The following CDH13 variants were observed in gnomAD, a reference collection of about 807,000 sequenced individuals.
CDH13 encodes cadherin-13.
CDH13 carries 24 observed loss-of-function variants against 63.8 expected under a neutral mutation model. The ratio of observed to expected loss-of-function variants is 0.38; its 90% confidence interval spans 0.27 to 0.53. The LOEUF (loss-of-function observed/expected upper bound fraction) is 0.53, where lower values mean the gene tolerates loss of function less well. CDH13 is among the 20% of genes least tolerant of loss of function. CDH13 has a pLI of 0.85. For synonymous variants in CDH13, 503 were observed against 355.3 expected, an observed-to-expected ratio of 1.42 and a Z score of -4.67; for missense variants, 1,049 against 903.1, an observed-to-expected ratio of 1.16 and a Z score of -2.07.
At chr16:83,272,130 T>C (rs139436953) in intron 5 of CDH13, among the ~76,000 whole-genome samples, 63 of 152,322 alleles carry the variant, frequency 4.1e-4, no homozygotes, top group African/African-American at 1.5e-3. Flanking sequence ...GGAGTACCTC[T>C]CTCAGTCCTC....
intron 6 of CDH13, among the ~76,000 whole-genome samples, chr16:83,365,233 G>T (rs895866268): frequency 1.3e-5 from 2 of 152,204 alleles, no homozygotes; most frequent in African/African-American, 4.8e-5. Context: ...ACGCCAGCAG[G>T]AAGGGCCAAT....
intron 1 of CDH13, among the ~76,000 whole-genome samples, chr16:82,731,845 C>G (rs2033419622): frequency 6.6e-6 from 1 of 152,172 alleles, no homozygotes. Flanking sequence ...TGTGCCTGGA[C>G]ATGCCTATAT....
intron 6 of CDH13, among the ~76,000 whole-genome samples, chr16:83,479,358 A>T (rs2073699458): frequency 6.6e-6 from 1 of 152,190 alleles, no homozygotes; most frequent in South Asian, 2.1e-4. Flanking sequence ...TGTGAGAGTC[A>T]ATGAAAATAA....
chr16:82,883,118 C>G (rs2040763030), intron 2 of CDH13, among the ~76,000 whole-genome samples: 2 of 152,052 alleles, frequency 1.3e-5, no homozygotes, highest in African/African-American at 4.8e-5. Flanking sequence ...GGGTTTCACA[C>G]CATTAAATTC....
At chr16:83,531,041 G>T (rs967532999) in intron 7 of CDH13, among the ~76,000 whole-genome samples, 6 of 152,090 alleles carry the variant, frequency 3.9e-5, no homozygotes, top group African/African-American at 1.4e-4. Flanking sequence ...GGATAGTTAC[G>T]AGCATTAAAT....
Position 83,018,625 on chromosome 16 carries a change from TA to T in CDH13, c.158-13383del, listed in dbSNP as rs1253998064. On this transcript the variant is annotated intron_variant, in intron 2 of 13. Coordinates refer to ENST00000567109, the MANE Select transcript of CDH13 (RefSeq NM_001257.5). ...CCCTCCAGTATGGTCATGCATTGTT[TA>T]ACCATAGGGATATGCTCTGAGAATG... 2.6e-5 allele frequency among the ~76,000 whole-genome samples: 4 copies of T among 152,188 alleles called. No individual in the cohort carries two copies. In the South Asian group the frequency reaches 8.3e-4, roughly 32 times the overall value.
At chr16:82,970,231 A>G (rs1567705817) in intron 2 of CDH13, among the ~76,000 whole-genome samples, 1 of 152,132 alleles carries the variant, frequency 6.6e-6, no homozygotes, top group African/African-American at 2.4e-5. Flanking sequence ...TTCCAGCTAC[A>G]TCCGTGATCC....
chr16:83,324,190 C>T (rs1029475859), intron 5 of CDH13, among the ~76,000 whole-genome samples: 1 of 152,118 alleles, frequency 6.6e-6, no homozygotes, highest in African/African-American at 2.4e-5. Flanking sequence ...GCACCTGCCA[C>T]CATGCCCAAC....
Position 83,647,443 on chromosome 16 carries a change from G to T in CDH13, c.1102-23347G>T, listed in dbSNP as rs552640927. Among the ~76,000 whole-genome samples the T allele has an allele frequency of 7.2e-5, 11 of 152,106 alleles. No homozygotes were observed. In the East Asian group the frequency reaches 7.8e-4, roughly 11 times the overall value. Reference sequence around the variant, plus strand: ...TTTGTGAAAGTTTCTCCCCCATTTTGCTTGTGCTTCCATAGCAATGATGCT... The same window carrying T: ...TTTGTGAAAGTTTCTCCCCCATTTTTCTTGTGCTTCCATAGCAATGATGCT... On this transcript the variant is annotated intron_variant, in intron 8 of 13. Coordinates refer to ENST00000567109, the MANE Select transcript of CDH13 (RefSeq NM_001257.5).
chr16:82,675,636 C>T (rs995149443), intron 1 of CDH13, among the ~76,000 whole-genome samples: 4 of 152,064 alleles, frequency 2.6e-5, no homozygotes, highest in Non-Finnish European at 4.4e-5. Flanking sequence ...TTTTTTGGTG[C>T]GGAGGCCACC....
intron 10 of CDH13, among the ~76,000 whole-genome samples, chr16:83,708,957 G>A (rs1228731636): frequency 1.3e-5 from 2 of 152,228 alleles, no homozygotes; most frequent in African/African-American, 4.8e-5. Context: ...TCAGGAGGCG[G>A]AGGTTGTGAT....
intron 1 of CDH13, among the ~76,000 whole-genome samples, chr16:82,795,512 C>G (rs985099823): frequency 6.6e-6 from 1 of 152,208 alleles, no homozygotes; most frequent in Non-Finnish European, 1.5e-5. Flanking sequence ...CCCTGGCCAC[C>G]TGTCCCACAT....
At chr16:83,326,972 C>T (rs2090377051) in intron 5 of CDH13, among the ~76,000 whole-genome samples, 1 of 152,134 alleles carries the variant, frequency 6.6e-6, no homozygotes, top group Non-Finnish European at 1.5e-5. Flanking sequence ...CGGCCACAGT[C>T]ATGTCTGGCT....
chr16:83,273,738 G>C (rs569360259), intron 5 of CDH13, among the ~76,000 whole-genome samples: 2 of 152,280 alleles, frequency 1.3e-5, no homozygotes, highest in East Asian at 3.9e-4. Flanking sequence ...TGTGGTTTCC[G>C]TGGGAGGGGC....
chr16:82,958,013 G>T (rs922426376), intron 2 of CDH13, among the ~76,000 whole-genome samples: 2 of 152,158 alleles, frequency 1.3e-5, no homozygotes, highest in African/African-American at 4.8e-5. Flanking sequence ...ATCCACACTT[G>T]TCTGAGAGAT....
rs571787527 is a variant in CDH13, at chr16:83,237,104, G to A, written c.636+19607G>A. The stretch of plus-strand genomic sequence containing the variant: ...GGGATGTTCCGCCACATTCTTCAGG[G>A]TGGCATGGGCAGCTTTTATGTAGAT... On this transcript the variant is annotated intron_variant, in intron 5 of 13. Coordinates refer to ENST00000567109, the MANE Select transcript of CDH13 (RefSeq NM_001257.5). Among the ~76,000 whole-genome samples, 5 of 152,278 alleles carry A rather than the reference G, an allele frequency of 3.3e-5. No individual in the cohort carries two copies. In the South Asian group the frequency reaches 1.0e-3, roughly 32 times the overall value.
At chr16:82,946,025 C>T (rs1904676131) in intron 2 of CDH13, among the ~76,000 whole-genome samples, 1 of 152,052 alleles carries the variant, frequency 6.6e-6, no homozygotes, top group African/African-American at 2.4e-5. Flanking sequence ...TATAGCACTT[C>T]TCCTGGCGTC....
At chr16:82,899,905 G>A (rs948052965) in intron 2 of CDH13, among the ~76,000 whole-genome samples, 8 of 152,138 alleles carry the variant, frequency 5.3e-5, no homozygotes, top group Admixed American at 2.6e-4. Flanking sequence ...AGGATAGTGA[G>A]CATGTGCAAG....
intron 1 of CDH13, among the ~76,000 whole-genome samples, chr16:82,735,969 G>A (rs72803995): frequency 0.027 from 4,051 of 152,284 alleles, 100 homozygotes; most frequent in Non-Finnish European, 0.037. Flanking sequence ...AGGTTTCTCT[G>A]CTCATTTGAA....
Sources: gnomAD v4.1 joint callset for allele counts (sites outside exome capture counted in the v4.1 genomes callset) on GRCh38, gnomAD v4.1.1 for gene constraint, MANE v1.5 for transcripts, NCBI Gene and HGNC (gene_info 2026-07-23, HGNC 2026-07-21) for gene names.